HECW2: variants seen among roughly 807,000 people sequenced by gnomAD.
The protein encoded by HECW2 is E3 ubiquitin-protein ligase HECW2.
In HECW2, 61 loss-of-function variants were observed where a neutral mutation model predicts 175.2. That is an observed-to-expected ratio of 0.35 (90% CI 0.28 to 0.43). The LOEUF (loss-of-function observed/expected upper bound fraction) is 0.43, where lower values mean the gene tolerates loss of function less well. HECW2 is among the 20% of genes least tolerant of loss of function. HECW2 has a pLI of 1.00. For synonymous variants in HECW2, 671 were observed against 731.0 expected (o/e 0.92, Z 1.32); for missense variants, 1,524 against 2,000.5 (o/e 0.76, Z 4.54).
intron 1 of HECW2, among the ~76,000 whole-genome samples, chr2:196,536,456 G>T (rs1346651899): frequency 2.0e-5 from 3 of 152,230 alleles, no homozygotes; most frequent in Non-Finnish European, 4.4e-5. Flanking sequence ...AAAGCCCACA[G>T]ATACTAAAAG....
intron 1 of HECW2, among the ~76,000 whole-genome samples, chr2:196,562,554 A>C (rs1690039528): frequency 6.6e-6 from 1 of 152,218 alleles, no homozygotes; most frequent in Non-Finnish European, 1.5e-5. Flanking sequence ...AAATGTGGGA[A>C]AGATAATGGA....
chr2:196,194,385 A>T lies in HECW2; in HGVS notation c.*6892T>A, dbSNP rs770014183. 6.6e-6 allele frequency: 1 copy of T among 152,032 alleles called. No homozygotes were observed. The highest frequency in any genetic ancestry group is 1.5e-5 in the Non-Finnish European group (1 of 68,004). The allele number at this position is 152,032 out of a possible 1,614,324, so 9.4% of individuals were successfully genotyped here. A position where few individuals can be genotyped will look rare whatever the true frequency, so the allele number is the denominator to read the frequency against. The stretch of plus-strand genomic sequence containing the variant: ...AGTCATAATCTATTTTTTTTAAAGA[A>T]GATTTATTTTGGATTAAGTGATTTC... On this transcript the variant is annotated 3_prime_UTR_variant, in exon 29 of 29. Coordinates refer to ENST00000644978, the MANE Select transcript of HECW2 (RefSeq NM_001348768.2).
chr2:196,258,058 A>T, intron 17 of HECW2, 152 bp from the exon 18 acceptor site: 1 of 582,726 alleles, frequency 1.7e-6, no homozygotes, highest in Non-Finnish European at 3.0e-6. Context: ...CACATCCAAG[A>T]GAGACATGGT....
At position 196,319,543 on chromosome 2, in the gene HECW2, A is replaced by G. The variant is rs370940936; in HGVS notation, c.1347T>C (p.Ser449=). The change falls in exon 9 of 29, where the codon AGT becomes AGC. Residue 449 remains serine, a synonymous_variant. Coordinates refer to ENST00000644978, the MANE Select transcript of HECW2 (RefSeq NM_001348768.2). The stretch of plus-strand genomic sequence containing the variant: ...TGAGTCTTGTGTCAGTGGGAAAACT[A>G]CTCCTCAGTTTCGGAGAGGCACCCA... The part of the protein sequence containing the change: ...RSMGASPKLR[S]SFPTDTRLNA... The G allele has an allele frequency of 6.2e-7, 1 of 1,613,772 alleles. No homozygotes were observed. The highest frequency in any genetic ancestry group is 1.1e-5 in the South Asian group (1 of 91,056).
At chr2:196,286,492 GTC>G (rs1309786111) in intron 14 of HECW2, among the ~76,000 whole-genome samples, 1 of 151,054 alleles carries the variant, frequency 6.6e-6, no homozygotes, top group African/African-American at 2.4e-5. Flanking sequence ...GATTCCATGA[GTC>G]TACTGTTTTA....
intron 1 of HECW2, among the ~76,000 whole-genome samples, chr2:196,434,278 A>G (rs1695806641): frequency 6.6e-6 from 1 of 152,154 alleles, no homozygotes; most frequent in Non-Finnish European, 1.5e-5. Context: ...TCTCCTAGAT[A>G]CTTCTTGAAA....
rs116864490 is a variant in HECW2, at chr2:196,480,115, T to C, written c.-35-46657A>G. On this transcript the variant is annotated intron_variant, in intron 1 of 28. Coordinates refer to ENST00000644978, the MANE Select transcript of HECW2 (RefSeq NM_001348768.2). ...ACCAGGTTCCAATCTCAGCCATATGTTTTCCCCATCACTTCCAATTAAAAA... is the reference window on the plus strand; with the variant it reads ...ACCAGGTTCCAATCTCAGCCATATGCTTTCCCCATCACTTCCAATTAAAAA... Among the ~76,000 whole-genome samples the C allele has an allele frequency of 6.6e-5, 10 of 152,256 alleles. No homozygotes were observed. The East Asian group carries it at 1.7e-3, about 26-fold the overall frequency.
In HECW2 at chr2:196,586,881, A is replaced by G. The variant is rs1030191654; in HGVS notation, c.-36+6627T>C. ...TGCATGACATCGGTGGTTTCATCCA[A>G]CCATAAAGTGAAATATCTGCTAGCG... On this transcript the variant is annotated intron_variant, in intron 1 of 28. Coordinates refer to ENST00000644978, the MANE Select transcript of HECW2 (RefSeq NM_001348768.2). 3.3e-5 allele frequency among the ~76,000 whole-genome samples: 5 copies of G among 152,156 alleles called. No individual in the cohort carries two copies. The South Asian group carries it at 1.0e-3, about 32-fold the overall frequency.
chr2:196,240,419 T>TG (rs770449771), intron 21 of HECW2, 30 bp downstream of exon 21: 1 of 1,483,394 alleles, frequency 6.7e-7, no homozygotes, highest in Non-Finnish European at 9.2e-7. Flanking sequence ...ACAGCCTATG[T>TG]TCCACAGGCC....
rs567864110 is a variant in HECW2 at position 196,334,483 on chromosome 2, T to C, written c.436A>G (p.Ile146Val). 7.5e-6 allele frequency: 12 copies of C among 1,608,696 alleles called. No homozygotes were observed. The highest frequency in any genetic ancestry group is 8.5e-6 in the Non-Finnish European group (10 of 1,177,636). The change falls in exon 4 of 29, where the codon ATT becomes GTT. Residue 146 changes from isoleucine (I) to valine (V), a missense_variant. By Grantham distance (29) the Ile-to-Val change is conservative. Around this residue, in one of 11 missense-constraint regions of HECW2, gnomAD observed 135 missense variants for 214.6 expected, o/e 0.63. Transcript: ENST00000644978. The part of the protein sequence containing the change: ...IKICFKYYHG[I>V]SGALRATTPC... ...GTCGTGGCTCGCAGGGCTCCACTAATGCCGTGGTAATATTTAAAACAGATT... is the reference window on the plus strand; with the variant it reads ...GTCGTGGCTCGCAGGGCTCCACTAACGCCGTGGTAATATTTAAAACAGATT...
At chr2:196,351,321 T>C (rs2105853542) in intron 2 of HECW2, among the ~76,000 whole-genome samples, 1 of 152,316 alleles carries the variant, frequency 6.6e-6, no homozygotes, top group East Asian at 1.9e-4. Context: ...GATTAATTTT[T>C]TTCCTGTACA....
At chr2:196,467,502 A>C (rs1179539745) in intron 1 of HECW2, among the ~76,000 whole-genome samples, 2 of 152,176 alleles carry the variant, frequency 1.3e-5, no homozygotes, top group Non-Finnish European at 2.9e-5. Context: ...GCTCAAGTCA[A>C]TACTTCTATG....
intron 20 of HECW2, among the ~76,000 whole-genome samples, 192 bp from the exon 21 acceptor site, chr2:196,240,754 A>G (rs1231917934): frequency 2.8e-5 from 1 of 36,058 alleles, no homozygotes; most frequent in Non-Finnish European, 7.7e-5. Context: ...AAGTTACATG[A>G]GAGAATCATT....
At chr2:196,506,567 T>C (rs1313469631) in intron 1 of HECW2, among the ~76,000 whole-genome samples, 2 of 152,110 alleles carry the variant, frequency 1.3e-5, no homozygotes, top group African/African-American at 2.4e-5. Flanking sequence ...ACTTATTTCA[T>C]GGACCAAAGG....
At position 196,256,505 on chromosome 2, in the gene HECW2, AC is replaced by A. The variant is rs1466679438; in HGVS notation, c.3419+1317del. The stretch of plus-strand genomic sequence containing the variant: ...TATAGTAAAATAAATTTAAGACTAT[AC>A]CATCTAAATATTATTTAACTATGGA... On this transcript the variant is annotated intron_variant, in intron 18 of 28. Transcript: ENST00000644978. 2.6e-5 allele frequency among the ~76,000 whole-genome samples: 4 copies of A among 152,244 alleles called. No homozygotes were observed. The South Asian group carries it at 8.3e-4, about 31-fold the overall frequency.
intron 1 of HECW2, among the ~76,000 whole-genome samples, chr2:196,554,014 T>G (rs1216195452): frequency 6.6e-6 from 1 of 152,216 alleles, no homozygotes; most frequent in Non-Finnish European, 1.5e-5. Flanking sequence ...AGCTCCCTGA[T>G]ATCTAGGATA....
intron 14 of HECW2, chr2:196,291,547 G>A (rs1222403470): frequency 1.3e-5 from 2 of 152,112 alleles, no homozygotes; most frequent in African/African-American, 4.8e-5. Flanking sequence ...CTTTAAATAT[G>A]TCATTTTAAT....
chr2:196,562,149 G>A (rs1224057060), intron 1 of HECW2, among the ~76,000 whole-genome samples: 1 of 152,160 alleles, frequency 6.6e-6, no homozygotes, highest in Non-Finnish European at 1.5e-5. Flanking sequence ...AGGTGGTTAA[G>A]CAGAATATCC....
intron 1 of HECW2, among the ~76,000 whole-genome samples, chr2:196,502,536 T>C (rs1275886196): frequency 1.3e-5 from 2 of 152,200 alleles, no homozygotes; most frequent in Admixed American, 1.3e-4. Context: ...CCAATGCAAT[T>C]GATTATGCAC....
Sources: gnomAD v4.1 joint callset for allele counts (sites outside exome capture counted in the v4.1 genomes callset) on GRCh38, gnomAD v4.1.1 for gene constraint, gnomAD v4.1.1 regional missense constraint, MANE v1.5 for transcripts, NCBI Gene and HGNC (gene_info 2026-07-23, HGNC 2026-07-21) for gene names.